The following NLRP2 variants were observed in gnomAD, a reference collection of about 807,000 sequenced individuals.
The protein encoded by NLRP2 is NLR family pyrin domain containing 2, also known as NACHT, LRR and PYD domains-containing protein 2.
Under a neutral mutation model 97.2 loss-of-function variants are expected in NLRP2, and 107 were observed. The ratio of observed to expected loss-of-function variants is 1.10; its 90% CI spans 0.94 to 1.29. The LOEUF is 1.29. NLRP2 is among the 50% of genes most tolerant of loss of function. The probability of loss-of-function intolerance (pLI) is 0.00; values close to 1 mark genes in which losing one functional copy is unlikely to be tolerated. For missense variants in NLRP2, 1,495 were observed against 1,330.3 expected, an observed-to-expected ratio of 1.12 and a Z score of -1.93; for synonymous variants, 663 against 551.5, an observed-to-expected ratio of 1.20 and a Z score of -2.83.
chr19:54,997,237 A>G, intron 11 of NLRP2, 80 bp from the exon 12 acceptor site: 1 of 1,435,596 alleles, frequency 7.0e-7, no homozygotes, highest in Admixed American at 1.7e-5. Context: ...GATCCCCAAC[A>G]CACGAGGGTG....
intron 1 of NLRP2, among the ~76,000 whole-genome samples, chr19:54,969,708 G>GGAGT (rs1279699637): frequency 1.3e-5 from 2 of 152,094 alleles, no homozygotes; most frequent in Non-Finnish European, 2.9e-5. Flanking sequence ...TGCCCAGATG[G>GGAGT]GAGTGCAGTG....
chr19:54,965,343 C>T (rs1218646388), upstream of NLRP2: 1 of 104,166 alleles, frequency 9.6e-6, no homozygotes, highest in African/African-American at 4.3e-5. Context: ...CTGCAGCCCT[C>T]ATCTCCGCCG....
chr19:54,985,677 CAAAAAAAAAAA>C (rs113852885), intron 7 of NLRP2, among the ~76,000 whole-genome samples: 4 of 68,014 alleles, frequency 5.9e-5, no homozygotes, highest in Non-Finnish European at 1.3e-4. Context: ...GACTGCGTCT[CAAAAAAAAAAA>C]AAAAAAAAAA....
intron 1 of NLRP2, among the ~76,000 whole-genome samples, chr19:54,967,533 G>A (rs572955356): frequency 1.1e-4 from 17 of 152,180 alleles, no homozygotes; most frequent in African/African-American, 3.6e-4. Context: ...AAGAGTAGCA[G>A]ATGCTTAGAT....
chr19:54,984,329 G>GTGTGTTGTT, intron 6 of NLRP2, among the ~76,000 whole-genome samples: 6 of 79,670 alleles, frequency 7.5e-5, no homozygotes, highest in Non-Finnish European at 1.5e-4. Context: ...TTTTTTTTGT[G>GTGTGTTGTT]TTTTTTTTTT....
chr19:54,978,541 G>A (rs1015172894), intron 4 of NLRP2, among the ~76,000 whole-genome samples: 2 of 151,988 alleles, frequency 1.3e-5, no homozygotes, highest in African/African-American at 2.4e-5. Flanking sequence ...CACCGTACCC[G>A]GCCTTCTTTA....
At chr19:54,983,992 A>G (rs1010728194) in intron 6 of NLRP2, among the ~76,000 whole-genome samples, 1 of 152,182 alleles carries the variant, frequency 6.6e-6, no homozygotes, top group Non-Finnish European at 1.5e-5. Flanking sequence ...CTGGGACTAC[A>G]GGCGCCTGCC....
chr19:54,969,907 G>A, intron 1 of NLRP2, 92 bp from the exon 2 acceptor site: 1 of 1,239,810 alleles, frequency 8.1e-7, no homozygotes, highest in Non-Finnish European at 1.2e-6. Flanking sequence ...TAGATGGTGA[G>A]TGTCCTTGTT....
At chr19:54,973,353 T>G (rs1027577141) in intron 2 of NLRP2, among the ~76,000 whole-genome samples, 6 of 138,406 alleles carry the variant, frequency 4.3e-5, no homozygotes, top group South Asian at 4.9e-4. Context: ...GGTTTTTTTT[T>G]TTTTTTTTTT....
Position 54,990,052 on chromosome 19 carries a change from G to A in NLRP2, c.2397G>A (p.Gln799=), listed in dbSNP as rs143693990. 624 of 1,614,018 alleles carry A rather than the reference G, an allele frequency of 3.9e-4. 1 individual carries two copies. Among genetic ancestry groups the A allele is most frequent in the Non-Finnish European group, 4.8e-4 (568 of 1,180,034 alleles). ...GLVSCSATTQ[Q]WADLSLALEV... is the part of the protein sequence containing the mutation. ...TGTCTTGTTCCGCTACCACTCAGCA[G>A]TGGGCTGATCTCTCCTTGGCCCTTG... Residue 799 remains glutamine (Q), a synonymous_variant, in exon 9 of 13, where the codon CAG becomes CAA. Coordinates refer to ENST00000448584, the MANE Select transcript of NLRP2 (RefSeq NM_017852.5).
At chr19:54,992,538 T>G (rs1189616203) in intron 10 of NLRP2, among the ~76,000 whole-genome samples, 4 of 101,146 alleles carry the variant, frequency 4.0e-5, no homozygotes, top group East Asian at 3.6e-4. Flanking sequence ...GGTATTTTTT[T>G]GGGGGGGGGG....
intron 6 of NLRP2, among the ~76,000 whole-genome samples, chr19:54,984,329 G>GTGTGTTGTTTTTTTTTTTTTTT: frequency 6.0e-4 from 48 of 79,666 alleles, no homozygotes; most frequent in Non-Finnish European, 1.1e-3. Context: ...TTTTTTTTGT[G>GTGTGTTGTTTTTTTTTTTTTTT]TTTTTTTTTT....
chr19:54,987,627 A>C (rs2072181629), intron 8 of NLRP2, among the ~76,000 whole-genome samples: 2 of 152,052 alleles, frequency 1.3e-5, no homozygotes, highest in African/African-American at 4.8e-5. Flanking sequence ...CTGTAGTCCC[A>C]GCTACTCAGG....
Position 54,973,721 on chromosome 19 carries a change from C to T in NLRP2, c.281-779C>T, listed in dbSNP as rs183647564. 602 of 424,778 alleles carry T rather than the reference C, an allele frequency of 1.4e-3. 1 individual carries two copies. The highest frequency in any genetic ancestry group is 2.3e-3 in the Non-Finnish European group (504 of 218,720). 26.3% of individuals were successfully genotyped at this position (424,778 alleles called of 1,614,324 possible). The stretch of plus-strand genomic sequence containing the variant: ...CCTCCGGAGGTTACAAGTTTGAAAA[C>T]GGCAGGAGGAAACCCAGAGAGTTGT... On this transcript the variant is annotated intron_variant, in intron 2 of 12. Coordinates refer to ENST00000448584, the MANE Select transcript of NLRP2 (RefSeq NM_017852.5).
rs147231093 is a variant in NLRP2, at chr19:54,984,856, A to T, written c.2031-191A>T. Among the ~76,000 whole-genome samples the T allele has an allele frequency of 1.2e-3, 179 of 152,208 alleles. 2 individuals are homozygous for T. Among genetic ancestry groups the T allele is most frequent in the Middle Eastern group, 6.8e-3 (2 of 294 alleles). On this transcript the variant is annotated intron_variant, in intron 6 of 12. Transcript: ENST00000448584. Reference sequence around the variant, plus strand: ...TTTACCCTCTATTGGATTTTTGTCTAAGAAGAATAGGTTCTTTCTCCTGTG... The same window carrying T: ...TTTACCCTCTATTGGATTTTTGTCTTAGAAGAATAGGTTCTTTCTCCTGTG...
chr19:54,986,846 C>A (rs1336691638), intron 8 of NLRP2, among the ~76,000 whole-genome samples: 1 of 151,910 alleles, frequency 6.6e-6, no homozygotes, highest in South Asian at 2.1e-4. Flanking sequence ...CCATGCCCAG[C>A]CAGAGTCCTT....
intron 12 of NLRP2, among the ~76,000 whole-genome samples, chr19:54,998,260 T>G (rs1444032594): frequency 6.6e-6 from 1 of 151,456 alleles, no homozygotes; most frequent in Non-Finnish European, 1.5e-5. Context: ...CTCCGTGATT[T>G]GCCCACCTCA....
intron 7 of NLRP2, among the ~76,000 whole-genome samples, chr19:54,985,693 A>AAG (rs1555776957): frequency 3.4e-4 from 48 of 142,206 alleles, no homozygotes; most frequent in Admixed American, 3.4e-4. Flanking sequence ...AAAAAAAAAA[A>AAG]AAAAAGAAAA....
chr19:54,996,760 C>A (rs560677029), intron 11 of NLRP2, among the ~76,000 whole-genome samples: 53 of 152,092 alleles, frequency 3.5e-4, no homozygotes, highest in Non-Finnish European at 6.5e-4. Flanking sequence ...GGAGAACTCC[C>A]CCCCGAGCTC....
Sources: allele counts gnomAD v4.1 joint callset (sites outside exome capture counted in the v4.1 genomes callset), GRCh38; gene constraint gnomAD v4.1.1; transcripts MANE v1.5; gene names NCBI Gene and HGNC (gene_info 2026-07-23, HGNC 2026-07-21).